The following SIPA1L2 variants were observed in gnomAD, a reference collection of about 807,000 sequenced individuals.
SIPA1L2 encodes the protein signal-induced proliferation-associated 1-like protein 2.
Under a neutral mutation model 163.9 loss-of-function variants are expected in SIPA1L2, and 56 were observed. The observed-to-expected ratio is 0.34, with a 90% CI of 0.28 to 0.43. The LOEUF (loss-of-function observed/expected upper bound fraction) is 0.43. SIPA1L2 is among the 20% of genes least tolerant of loss of function. The pLI is 1.00. For synonymous variants in SIPA1L2, 877 were observed against 865.7 expected (o/e 1.01, Z -0.23); for missense variants, 1,974 against 2,193.5 (o/e 0.90, Z 2.00).
rs1666034927 is a variant in SIPA1L2 at position 232,493,510 on chromosome 1, G to A, written c.1617+17C>T. 4.3e-6 allele frequency: 7 copies of A among 1,613,578 alleles called. No homozygotes were observed. The highest frequency in any genetic ancestry group is 5.9e-6 in the Non-Finnish European group (7 of 1,179,768). On this transcript the variant is annotated intron_variant, in intron 4 of 22. Coordinates refer to ENST00000674635, the MANE Select transcript of SIPA1L2 (RefSeq NM_020808.5). ...TTTAGACTTTAGCCCAATAACTACG[G>A]CAAGCAGCCCCATTACCTCACTTGT...
intron 1 of SIPA1L2, among the ~76,000 whole-genome samples, chr1:232,602,020 T>C (rs911241610): frequency 5.9e-5 from 9 of 152,168 alleles, no homozygotes. Context: ...TTGAAGACCA[T>C]GCCCTTGAGA....
intron 2 of SIPA1L2, among the ~76,000 whole-genome samples, chr1:232,562,947 A>T (rs955945742): frequency 1.3e-5 from 2 of 152,240 alleles, no homozygotes; most frequent in Non-Finnish European, 1.5e-5. Context: ...GCATGGAAGG[A>T]GAGCTGTGTA....
intron 2 of SIPA1L2, among the ~76,000 whole-genome samples, chr1:232,545,508 G>A (rs1383344401): frequency 2.6e-5 from 4 of 152,118 alleles, no homozygotes. Flanking sequence ...GTAATCACAC[G>A]TAATACTACC....
intron 19 of SIPA1L2, among the ~76,000 whole-genome samples, chr1:232,408,416 T>C (rs1215893308): frequency 6.6e-6 from 1 of 152,198 alleles, no homozygotes; most frequent in Non-Finnish European, 1.5e-5. Context: ...CAGCAAATTC[T>C]CAGGAATTAG....
intron 2 of SIPA1L2, among the ~76,000 whole-genome samples, chr1:232,561,005 A>G (rs1411729683): frequency 6.6e-6 from 1 of 152,202 alleles, no homozygotes; most frequent in Non-Finnish European, 1.5e-5. Flanking sequence ...TTAAGAATCT[A>G]CTATGTTCCA....
At position 232,550,533 on chromosome 1, in the gene SIPA1L2, CAGA is replaced by C. The variant is rs1024875334; in HGVS notation, c.-270+23638_-270+23640del. On this transcript the variant is annotated intron_variant, in intron 2 of 22. Transcript: ENST00000674635. ...AGCAGTTAAACACCATTACACAAAT[CAGA>C]AGAACATTTGGAAAAACAGCTGATT... 5.2e-4 allele frequency among the ~76,000 whole-genome samples: 79 copies of C among 152,292 alleles called. 1 individual carries two copies. The highest frequency in any genetic ancestry group is 1.9e-3 in the African/African-American group (78 of 41,554).
Position 232,491,009 on chromosome 1 carries a change from C to G in SIPA1L2, c.1671G>C (p.Arg557Ser). The G allele has an allele frequency of 6.2e-7, 1 of 1,614,094 alleles. No individual in the cohort carries two copies. The highest frequency in any genetic ancestry group is 8.5e-7 in the Non-Finnish European group (1 of 1,179,994). ...GAGGTAGTCCTCGTGCGGTACCATG[C>G]CTAGCAGTAGAGGGTATAGCATCTT... The part of the protein sequence containing the change: ...ILEDAIPSTA[R>S]HGTARGLPLK... Residue 557 changes from arginine to serine, a missense_variant, in exon 5 of 23, where the codon AGG becomes AGC. This residue lies in a region of SIPA1L2 where 288 missense variants were observed against 418.9 expected (regional missense o/e 0.69). Transcript: ENST00000674635.
chr1:232,540,921 A>G (rs935664725), intron 2 of SIPA1L2, among the ~76,000 whole-genome samples: 2 of 152,236 alleles, frequency 1.3e-5, no homozygotes, highest in African/African-American at 4.8e-5. Context: ...TATCATAATA[A>G]GGAAGAAGAT....
chr1:232,609,554 G>A (rs1662132902), intron 1 of SIPA1L2, among the ~76,000 whole-genome samples: 1 of 152,088 alleles, frequency 6.6e-6, no homozygotes, highest in Non-Finnish European at 1.5e-5. Context: ...CAAGCGGCTG[G>A]GCATAGTGGC....
At chr1:232,559,145 G>A (rs996335062) in intron 2 of SIPA1L2, among the ~76,000 whole-genome samples, 1 of 152,176 alleles carries the variant, frequency 6.6e-6, no homozygotes, top group African/African-American at 2.4e-5. Context: ...AGGCCCAGCA[G>A]GAAGCCAGAG....
At chr1:232,406,632 G>A (rs1660649648) in intron 19 of SIPA1L2, among the ~76,000 whole-genome samples, 2 of 152,144 alleles carry the variant, frequency 1.3e-5, no homozygotes, top group African/African-American at 4.8e-5. Flanking sequence ...AACATGTCAT[G>A]TCTGTTGAAC....
chr1:232,610,671 G>A (rs1662192615), intron 1 of SIPA1L2, among the ~76,000 whole-genome samples: 2 of 152,106 alleles, frequency 1.3e-5, no homozygotes, highest in African/African-American at 4.8e-5. Flanking sequence ...ACCTGGGCCT[G>A]ACACTAGGCC....
At chr1:232,445,476 C>G in intron 11 of SIPA1L2, 53 bp downstream of exon 11, 1 of 1,609,174 alleles carries the variant, frequency 6.2e-7, no homozygotes, top group Non-Finnish European at 8.5e-7. Context: ...ATGTCAAGTT[C>G]TCACCCCAGT....
At chr1:232,469,312 TG>T (rs1370748274) in intron 8 of SIPA1L2, among the ~76,000 whole-genome samples, 1 of 152,228 alleles carries the variant, frequency 6.6e-6, no homozygotes, top group Admixed American at 6.5e-5. Context: ...ACCATTTCCT[TG>T]GAAATTATTT....
intron 2 of SIPA1L2, among the ~76,000 whole-genome samples, chr1:232,535,123 T>C (rs1657222163): frequency 6.6e-6 from 1 of 152,190 alleles, no homozygotes. Context: ...CTGTGTAAGT[T>C]CTGAGTCCAC....
chr1:232,544,707 C>G (rs1657921551), intron 2 of SIPA1L2, among the ~76,000 whole-genome samples: 1 of 152,204 alleles, frequency 6.6e-6, no homozygotes, highest in Admixed American at 6.5e-5. Context: ...TTGCTTGGAA[C>G]ATCCCTGCCC....
chr1:232,483,182 T>G (rs1254758455), intron 6 of SIPA1L2, among the ~76,000 whole-genome samples: 3 of 152,038 alleles, frequency 2.0e-5, no homozygotes, highest in African/African-American at 4.8e-5. Flanking sequence ...AATCCGCCAC[T>G]GTACAGCTAG....
intron 18 of SIPA1L2, among the ~76,000 whole-genome samples, chr1:232,421,350 G>A (rs1220195864): frequency 2.6e-5 from 4 of 152,124 alleles, no homozygotes; most frequent in Non-Finnish European, 4.4e-5. Context: ...GTGGCTTCCC[G>A]TCTGTTTACC....
chr1:232,551,934 G>A (rs1444568783), intron 2 of SIPA1L2, among the ~76,000 whole-genome samples: 1 of 152,154 alleles, frequency 6.6e-6, no homozygotes, highest in Admixed American at 6.5e-5. Context: ...CTGCCTCCTG[G>A]GTTTAAGCGA....
Sources: gnomAD v4.1 joint callset for allele counts (sites outside exome capture counted in the v4.1 genomes callset) on GRCh38, gnomAD v4.1.1 for gene constraint, gnomAD v4.1.1 regional missense constraint, MANE v1.5 for transcripts, NCBI Gene and HGNC (gene_info 2026-07-23, HGNC 2026-07-21) for gene names.